The following RAP1A variants were observed in gnomAD, a reference collection of about 807,000 sequenced individuals.
RAP1A encodes the protein RAP1A, member of RAS oncogene family, also known as ras-related protein Rap-1A.
Under a neutral mutation model 26.4 loss-of-function variants are expected in RAP1A, and 6 were observed. That is an observed-to-expected ratio of 0.23 (90% CI 0.12 to 0.45). The LOEUF (loss-of-function observed/expected upper bound fraction) is 0.45. RAP1A is among the 20% of genes least tolerant of loss of function. RAP1A has a pLI of 0.99. For missense variants in RAP1A, 121 were observed against 217.2 expected (o/e 0.56, Z 2.78); for synonymous variants, 73 against 79.4 (o/e 0.92, Z 0.43).
chr1:111,629,104 G>T (rs192342085), intron 1 of RAP1A, among the ~76,000 whole-genome samples: 2 of 151,872 alleles, frequency 1.3e-5, no homozygotes, highest in African/African-American at 4.8e-5. Context: ...ATTGCTGCAG[G>T]ACTTTAAAAA....
intron 1 of RAP1A, among the ~76,000 whole-genome samples, chr1:111,670,393 G>A (rs1370748984): frequency 6.6e-6 from 1 of 152,098 alleles, no homozygotes; most frequent in East Asian, 1.9e-4. Flanking sequence ...AAGATTGCTT[G>A]AGCTCAGGAG....
chr1:111,554,720 A>G (rs1312385682), intron 1 of RAP1A, among the ~76,000 whole-genome samples: 1 of 152,242 alleles, frequency 6.6e-6, no homozygotes. Context: ...TGAGACTTCA[A>G]ATAAGGTTAC....
intron 1 of RAP1A, among the ~76,000 whole-genome samples, chr1:111,586,028 T>C (rs1658359205): frequency 6.6e-6 from 1 of 152,186 alleles, no homozygotes; most frequent in Admixed American, 6.5e-5. Flanking sequence ...ACAATTTTGC[T>C]TGTAGGTATC....
At chr1:111,685,857 GAGACTTGGAACCAACCCCAAA>G (rs1661457084) in intron 1 of RAP1A, among the ~76,000 whole-genome samples, 1 of 115,068 alleles carries the variant, frequency 8.7e-6, no homozygotes, top group Non-Finnish European at 2.0e-5. Flanking sequence ...CACAATAGCA[GAGACTTGGAACCAACCCCAAA>G]TGCCCATCAA....
At chr1:111,580,483 A>G (rs1055080347) in intron 1 of RAP1A, among the ~76,000 whole-genome samples, 15 of 152,224 alleles carry the variant, frequency 9.9e-5, no homozygotes, top group African/African-American at 3.4e-4. Flanking sequence ...TGGAATTGGC[A>G]TTTACATTAG....
rs562418229 is a variant in RAP1A at position 111,665,301 on chromosome 1, T to C, written c.-27-26033T>C. Among the ~76,000 whole-genome samples the C allele has an allele frequency of 1.4e-3, 206 of 152,296 alleles. 1 individual carries two copies. The highest frequency in any genetic ancestry group is 4.1e-4 in the Non-Finnish European group (28 of 68,000). On this transcript the variant is annotated intron_variant, in intron 1 of 7. Coordinates refer to ENST00000369709, the MANE Select transcript of RAP1A (RefSeq NM_002884.4). ...TACTTTTTCATTAGCTTTGGCATGC[T>C]TTAGTTTTGGTCATATATAGTTTAT...
intron 1 of RAP1A, among the ~76,000 whole-genome samples, chr1:111,598,981 C>T (rs1056712126): frequency 2.6e-5 from 4 of 152,010 alleles, no homozygotes; most frequent in African/African-American, 9.7e-5. Flanking sequence ...GAAACACTTA[C>T]GTTTAACTGG....
At chr1:111,652,455 TAAG>T (rs1660304519) in intron 1 of RAP1A, among the ~76,000 whole-genome samples, 1 of 151,944 alleles carries the variant, frequency 6.6e-6, no homozygotes, top group African/African-American at 2.4e-5. Context: ...GCCCTCAAGC[TAAG>T]AATGGTTTTT....
chr1:111,589,486 C>T (rs959665007), intron 1 of RAP1A, among the ~76,000 whole-genome samples: 2 of 152,142 alleles, frequency 1.3e-5, no homozygotes, highest in African/African-American at 4.8e-5. Context: ...AGCACTAAAT[C>T]TACATTCAAG....
At chr1:111,612,974 A>G (rs1375988105) in intron 1 of RAP1A, among the ~76,000 whole-genome samples, 1 of 152,202 alleles carries the variant, frequency 6.6e-6, no homozygotes, top group African/African-American at 2.4e-5. Flanking sequence ...GATGACAGAC[A>G]AGAACACTGA....
chr1:111,659,989 CTG>C (rs1444841091), intron 1 of RAP1A, among the ~76,000 whole-genome samples: 1 of 152,184 alleles, frequency 6.6e-6, no homozygotes, highest in African/African-American at 2.4e-5. Context: ...TTTGAACAAA[CTG>C]TATATGTTTA....
At chr1:111,697,536 GTGAGCAGGTTTTGTCATC>G in intron 4 of RAP1A, 39 bp downstream of exon 4, 3 of 1,595,490 alleles carry the variant, frequency 1.9e-6, no homozygotes, top group Non-Finnish European at 2.6e-6. Context: ...ATTTTAATTT[GTGAGCAGGTTTTGTCATC>G]TGAGTAGGTT....
At chr1:111,601,488 G>A (rs1017929781) in intron 1 of RAP1A, among the ~76,000 whole-genome samples, 7 of 152,204 alleles carry the variant, frequency 4.6e-5, no homozygotes, top group African/African-American at 1.7e-4. Flanking sequence ...GCAGGTTAAC[G>A]TGAATGGGGG....
At chr1:111,625,881 A>G (rs1046921162) in intron 1 of RAP1A, among the ~76,000 whole-genome samples, 7 of 151,878 alleles carry the variant, frequency 4.6e-5, no homozygotes, top group African/African-American at 2.4e-5. Flanking sequence ...GGCTCAAGCT[A>G]TCCTCCCACT....
intron 1 of RAP1A, among the ~76,000 whole-genome samples, chr1:111,676,686 A>G (rs1661137301): frequency 6.6e-6 from 1 of 152,072 alleles, no homozygotes; most frequent in South Asian, 2.1e-4. Context: ...TCACCCCAAA[A>G]AGTATCCTCA....
chr1:111,551,767 T>TTTTA (rs60895493), intron 1 of RAP1A, among the ~76,000 whole-genome samples: 1 of 23,934 alleles, frequency 4.2e-5, no homozygotes, highest in African/African-American at 7.4e-5. Flanking sequence ...TTTTGTTTTG[T>TTTTA]TTTTTTGAGA....
intron 1 of RAP1A, among the ~76,000 whole-genome samples, chr1:111,577,088 G>A (rs1658160619): frequency 6.6e-6 from 1 of 152,070 alleles, no homozygotes; most frequent in Non-Finnish European, 1.5e-5. Context: ...TTCTAGAGTT[G>A]GAGGATGAAT....
At chr1:111,689,509 T>G (rs1661602512) in intron 1 of RAP1A, among the ~76,000 whole-genome samples, 1 of 119,478 alleles carries the variant, frequency 8.4e-6, no homozygotes, top group Admixed American at 9.4e-5. Flanking sequence ...TTTTGAATAC[T>G]GTAAGTTCTT....
intron 1 of RAP1A, among the ~76,000 whole-genome samples, chr1:111,553,968 C>T (rs1377664278): frequency 6.6e-6 from 1 of 152,184 alleles, no homozygotes; most frequent in Non-Finnish European, 1.5e-5. Flanking sequence ...ATTGCTTCCC[C>T]ATTCTGACTG....
Sources: gnomAD v4.1 joint callset for allele counts (sites outside exome capture counted in the v4.1 genomes callset) on GRCh38, gnomAD v4.1.1 for gene constraint, MANE v1.5 for transcripts, NCBI Gene and HGNC (gene_info 2026-07-23, HGNC 2026-07-21) for gene names.